PPP2R5A: variants seen among roughly 807,000 people sequenced by gnomAD.
PPP2R5A encodes the protein serine/threonine-protein phosphatase 2A 56 kDa regulatory subunit alpha isoform.
A neutral mutation model predicts 64.2 loss-of-function variants in PPP2R5A; 25 were observed. That is an observed-to-expected ratio of 0.39 (90% CI 0.28 to 0.54). The LOEUF (loss-of-function observed/expected upper bound fraction) is 0.54. Among genes scored for constraint, PPP2R5A ranks in the 20% least tolerant of loss-of-function variants. The pLI is 0.67. For missense variants in PPP2R5A, 425 were observed against 576.3 expected (o/e 0.74, Z 2.69); for synonymous variants, 198 against 201.2 (o/e 0.98, Z 0.13).
chr1:212,292,762 G>C (rs938362412), intron 1 of PPP2R5A, among the ~76,000 whole-genome samples: 3 of 152,072 alleles, frequency 2.0e-5, no homozygotes, highest in Non-Finnish European at 4.4e-5. Flanking sequence ...ACAAGTTCTC[G>C]CTATGTTGTC....
At chr1:212,358,023 A>G (rs1660013843) in intron 11 of PPP2R5A, 1 of 152,288 alleles carries the variant, frequency 6.6e-6, no homozygotes, top group Non-Finnish European at 1.5e-5. Flanking sequence ...GGCTGGACTG[A>G]AACTCCTGGG....
At chr1:212,299,045 A>G (rs1173456055) in intron 1 of PPP2R5A, among the ~76,000 whole-genome samples, 1 of 11,516 alleles carries the variant, frequency 8.7e-5, no homozygotes. Context: ...CGGCTGGCCG[A>G]CACCCCCCCC....
intron 1 of PPP2R5A, among the ~76,000 whole-genome samples, chr1:212,292,392 C>T (rs914558142): frequency 6.6e-6 from 1 of 152,080 alleles, no homozygotes; most frequent in Non-Finnish European, 1.5e-5. Flanking sequence ...TTTTCAAATC[C>T]TGTTATGGTA....
chr1:212,341,424 C>G (rs908003444), intron 3 of PPP2R5A, among the ~76,000 whole-genome samples: 1 of 152,076 alleles, frequency 6.6e-6, no homozygotes, highest in Non-Finnish European at 1.5e-5. Context: ...CTTTTCCTTT[C>G]TTTTTAAAAA....
At chr1:212,314,563 T>C (rs1237846865) in intron 1 of PPP2R5A, among the ~76,000 whole-genome samples, 1 of 150,308 alleles carries the variant, frequency 6.7e-6, no homozygotes, top group Non-Finnish European at 1.5e-5. Flanking sequence ...GCCTATTTTT[T>C]TTTTTTTTTT....
intron 1 of PPP2R5A, chr1:212,309,473 C>T (rs1014304634): frequency 2.0e-5 from 17 of 860,864 alleles, no homozygotes; most frequent in Middle Eastern, 2.2e-4. Context: ...GCTTTGTCTT[C>T]GGCTTTAGAA....
intron 2 of PPP2R5A, among the ~76,000 whole-genome samples, chr1:212,329,710 G>T (rs946673152): frequency 6.6e-6 from 1 of 152,078 alleles, no homozygotes; most frequent in Non-Finnish European, 1.5e-5. Flanking sequence ...GCAGTGGTGC[G>T]ATCTTGGCTC....
In PPP2R5A at chr1:212,321,077, G is replaced by A. The variant is rs867501672; in HGVS notation, c.182-8058G>A. Among the ~76,000 whole-genome samples the A allele has an allele frequency of 5.9e-4, 43 of 72,806 alleles. 1 individual carries two copies. The highest frequency in any genetic ancestry group is 1.8e-3 in the South Asian group (3 of 1,674). The allele number at this position is 72,806 out of a possible 152,430, so 47.8% of individuals were successfully genotyped here. A position where few individuals can be genotyped will look rare whatever the true frequency, so the allele number is the denominator to read the frequency against. ...GGCCGGGCGGGGGGCTGACCCCCCC[G>A]CCTCCCTCCCGGACGGGGCGGCTGG... On this transcript the variant is annotated intron_variant, in intron 1 of 12. Transcript: ENST00000261461.
chr1:212,341,597 T>G (rs1054844796), intron 3 of PPP2R5A, among the ~76,000 whole-genome samples: 6 of 152,164 alleles, frequency 3.9e-5, no homozygotes, highest in Non-Finnish European at 8.8e-5. Context: ...ATATTTAATT[T>G]TATAGGCATT....
chr1:212,322,906 C>T (rs2102428877), intron 1 of PPP2R5A, among the ~76,000 whole-genome samples: 1 of 152,284 alleles, frequency 6.6e-6, no homozygotes, highest in Middle Eastern at 3.4e-3. Context: ...CTGCCTCAGC[C>T]TCCCGAGTAG....
chr1:212,328,964 G>A (rs976940196), intron 1 of PPP2R5A, among the ~76,000 whole-genome samples, 171 bp from the exon 2 acceptor site: 1 of 151,718 alleles, frequency 6.6e-6, no homozygotes, highest in Non-Finnish European at 1.5e-5. Flanking sequence ...ATGAGGGAGA[G>A]AGAAGAGTCC....
At chr1:212,309,922 A>G (rs1658997380) in intron 1 of PPP2R5A, among the ~76,000 whole-genome samples, 1 of 152,186 alleles carries the variant, frequency 6.6e-6, no homozygotes, top group African/African-American at 2.4e-5. Context: ...TGTTTTAAAT[A>G]ATATATTGTA....
In PPP2R5A at chr1:212,293,207, T is replaced by C. The variant is rs189082171; in HGVS notation, c.181+6916T>C. ...CAAAAGATTATTTGTATTTTGCCAA[T>C]GACCAGTATGAGTGACATGTAACAT... On this transcript the variant is annotated intron_variant, in intron 1 of 12. Transcript: ENST00000261461. Among the ~76,000 whole-genome samples, 3 of 152,336 alleles carry C rather than the reference T, an allele frequency of 2.0e-5. No homozygotes were observed. In the East Asian group the frequency reaches 5.8e-4, roughly 29 times the overall value.
chr1:212,350,635 C>T (rs1044898580), intron 8 of PPP2R5A, among the ~76,000 whole-genome samples: 1 of 150,070 alleles, frequency 6.7e-6, no homozygotes, highest in East Asian at 2.0e-4. Context: ...GCCTGGGCAA[C>T]AGAGTGAGAC....
At chr1:212,350,841 A>C (rs545748075) in intron 8 of PPP2R5A, among the ~76,000 whole-genome samples, 221 of 151,564 alleles carry the variant, frequency 1.5e-3, no homozygotes, top group Non-Finnish European at 1.8e-3. Flanking sequence ...TTATTTTTAA[A>C]GAATGGAAGA....
intron 1 of PPP2R5A, among the ~76,000 whole-genome samples, chr1:212,296,161 C>T (rs1658687941): frequency 6.6e-6 from 1 of 151,780 alleles, no homozygotes; most frequent in South Asian, 2.1e-4. Context: ...ATGACTCTCA[C>T]GTGCTTTAGC....
At chr1:212,335,077 T>C (rs1445072930) in intron 3 of PPP2R5A, among the ~76,000 whole-genome samples, 1 of 152,168 alleles carries the variant, frequency 6.6e-6, no homozygotes. Flanking sequence ...TCAATTTTCT[T>C]CATTTATATA....
At chr1:212,295,249 G>T (rs1338115198) in intron 1 of PPP2R5A, among the ~76,000 whole-genome samples, 1 of 152,156 alleles carries the variant, frequency 6.6e-6, no homozygotes, top group Admixed American at 6.5e-5. Flanking sequence ...AGTGGGGATG[G>T]GGTGGTATCA....
rs1391158497 is a variant in PPP2R5A, at chr1:212,348,503, T to C, written c.873+6T>C. ...TAGCTTTGTTTCATGCTCAGGTAAG[T>C]TTCAGAAACATTTCAGATGAAATGA... is the stretch of plus-strand genomic sequence containing the variant. On this transcript the variant is annotated splice_donor_region_variant and intron_variant, in intron 7 of 12. Transcript: ENST00000261461. The C allele has an allele frequency of 6.5e-7, 1 of 1,529,098 alleles. No homozygotes were observed. Among genetic ancestry groups the C allele is most frequent in the Non-Finnish European group, 9.0e-7 (1 of 1,112,618 alleles). 94.7% of individuals were successfully genotyped at this position (1,529,098 alleles called of 1,614,324 possible).
Sources: allele counts gnomAD v4.1 joint callset (sites outside exome capture counted in the v4.1 genomes callset), GRCh38; gene constraint gnomAD v4.1.1; transcripts MANE v1.5; gene names NCBI Gene and HGNC (gene_info 2026-07-23, HGNC 2026-07-21).